The following IQGAP2 variants were observed in gnomAD, a reference collection of about 807,000 sequenced individuals.
The protein encoded by IQGAP2 is IQ motif containing GTPase activating protein 2.
Under a neutral mutation model 201.3 loss-of-function variants are expected in IQGAP2, and 173 were observed. That is an observed-to-expected ratio of 0.86 (90% confidence interval 0.76 to 0.98). The LOEUF is 0.98. Ranked by LOEUF, IQGAP2 falls within the 50% of genes least tolerant of loss-of-function variation. The pLI is 0.00. For synonymous variants in IQGAP2, 675 were observed against 673.9 expected (o/e 1.00, Z -0.03); for missense variants, 1,687 against 1,864.8 (o/e 0.90, Z 1.76).
chr5:76,618,377 C>T (rs757778588), intron 13 of IQGAP2: 39 of 1,613,986 alleles, frequency 2.4e-5, no homozygotes, highest in East Asian at 4.5e-5. Context: ...CAGCATTGGC[C>T]GGGACACCAA....
chr5:76,459,473 A>T (rs1754303539), intron 1 of IQGAP2, among the ~76,000 whole-genome samples: 1 of 152,172 alleles, frequency 6.6e-6, no homozygotes, highest in African/African-American at 2.4e-5. Context: ...TTACTATAAA[A>T]TGAAAATATC....
At chr5:76,678,811 C>T (rs1472635597) in intron 28 of IQGAP2, among the ~76,000 whole-genome samples, 1 of 152,172 alleles carries the variant, frequency 6.6e-6, no homozygotes, top group African/African-American at 2.4e-5. Context: ...AAATTTCAGT[C>T]TATTATTAAG....
chr5:76,542,510 G>C (rs970942785), intron 2 of IQGAP2, among the ~76,000 whole-genome samples: 1 of 152,216 alleles, frequency 6.6e-6, no homozygotes, highest in Admixed American at 6.5e-5. Context: ...TGAGGCTAAA[G>C]TTAGTTTGGA....
At chr5:76,490,561 A>G (rs1756475083) in intron 2 of IQGAP2, among the ~76,000 whole-genome samples, 1 of 152,208 alleles carries the variant, frequency 6.6e-6, no homozygotes, top group Non-Finnish European at 1.5e-5. Flanking sequence ...GAGAGAATGA[A>G]AGATTCAACA....
At chr5:76,591,220 C>A (rs554756614) in intron 8 of IQGAP2, among the ~76,000 whole-genome samples, 1 of 152,212 alleles carries the variant, frequency 6.6e-6, no homozygotes, top group Admixed American at 6.5e-5. Flanking sequence ...CCTTGTTAGA[C>A]ATCAACAGAC....
chr5:76,677,465 C>T, intron 28 of IQGAP2, 115 bp downstream of exon 28: 1 of 855,290 alleles, frequency 1.2e-6, no homozygotes, highest in Non-Finnish European at 1.7e-6. Flanking sequence ...TACTCATATT[C>T]TTAACCCTAA....
intron 3 of IQGAP2, among the ~76,000 whole-genome samples, chr5:76,568,576 G>A (rs1197775047): frequency 6.6e-6 from 1 of 152,138 alleles, no homozygotes; most frequent in Non-Finnish European, 1.5e-5. Flanking sequence ...ACCAGTTTTG[G>A]ACACCAGAAG....
At chr5:76,452,231 C>CTT (rs550343644) in intron 1 of IQGAP2, among the ~76,000 whole-genome samples, 12 of 136,236 alleles carry the variant, frequency 8.8e-5, no homozygotes, top group African/African-American at 2.9e-4. Context: ...TTTTTCTTTT[C>CTT]TTTTTTTTTT....
intron 1 of IQGAP2, among the ~76,000 whole-genome samples, chr5:76,408,736 T>C (rs1032908107): frequency 1.3e-5 from 2 of 152,182 alleles, no homozygotes; most frequent in Non-Finnish European, 2.9e-5. Context: ...CTCTCCAGCC[T>C]GGGCAACATA....
intron 5 of IQGAP2, among the ~76,000 whole-genome samples, chr5:76,582,802 A>ACTG (rs1462470728): frequency 6.6e-6 from 1 of 152,110 alleles, no homozygotes; most frequent in Non-Finnish European, 1.5e-5. Context: ...TACTACTACT[A>ACTG]CTATATACTA....
At chr5:76,404,382 AG>A in intron 1 of IQGAP2, 4 of 791,958 alleles carry the variant, frequency 5.1e-6, no homozygotes, top group Non-Finnish European at 6.1e-6. Context: ...CTTCATGTGC[AG>A]AGTTCAGAGT....
Position 76,683,882 on chromosome 5 carries a change from C to T in IQGAP2, c.3870C>T (p.Asp1290=), listed in dbSNP as rs757485535. The change falls in exon 30 of 36, where the codon GAC becomes GAT. Residue 1290 remains aspartate (D), a synonymous_variant. Coordinates refer to ENST00000274364, the MANE Select transcript of IQGAP2 (RefSeq NM_006633.5). ...LVLTSKYDIE[D]GEAIDSRSLM... Reference sequence around the variant, plus strand: ...TGACAAGCAAATATGACATAGAGGACGGTGAAGCTATAGATAGCCGAAGCC... The same window carrying T: ...TGACAAGCAAATATGACATAGAGGATGGTGAAGCTATAGATAGCCGAAGCC... 23 of 1,612,428 alleles carry T rather than the reference C, an allele frequency of 1.4e-5. No individual in the cohort carries two copies. The highest frequency in any genetic ancestry group is 4.5e-5 in the East Asian group (2 of 44,800).
intron 5 of IQGAP2, among the ~76,000 whole-genome samples, 173 bp downstream of exon 5, chr5:76,575,942 T>C (rs949514775): frequency 2.0e-5 from 3 of 152,328 alleles, no homozygotes; most frequent in Non-Finnish European, 4.4e-5. Context: ...ATATAAGCAA[T>C]TCTTGAACTT....
intron 22 of IQGAP2, 67 bp downstream of exon 22, chr5:76,665,242 G>A: frequency 3.6e-6 from 5 of 1,399,376 alleles, no homozygotes; most frequent in Non-Finnish European, 5.0e-6. Flanking sequence ...GTGGCTTACA[G>A]GGAGTATTTT....
At chr5:76,594,047 A>G (rs1283486100) in intron 9 of IQGAP2, among the ~76,000 whole-genome samples, 2 of 152,196 alleles carry the variant, frequency 1.3e-5, no homozygotes, top group African/African-American at 4.8e-5. Flanking sequence ...GAAAACTCTC[A>G]ATTGCCTTTA....
intron 2 of IQGAP2, among the ~76,000 whole-genome samples, chr5:76,500,218 T>C (rs1319254803): frequency 2.6e-5 from 4 of 152,206 alleles, no homozygotes; most frequent in African/African-American, 7.2e-5. Flanking sequence ...CCTGAAAGAA[T>C]AGACATTTCC....
At chr5:76,449,014 C>T (rs1753574825) in intron 1 of IQGAP2, among the ~76,000 whole-genome samples, 1 of 152,262 alleles carries the variant, frequency 6.6e-6, no homozygotes, top group Non-Finnish European at 1.5e-5. Flanking sequence ...CCGTACTCCT[C>T]TCATCTACCC....
At chr5:76,458,276 A>G (rs140305717) in intron 1 of IQGAP2, among the ~76,000 whole-genome samples, 1 of 152,336 alleles carries the variant, frequency 6.6e-6, no homozygotes, top group Non-Finnish European at 1.5e-5. Flanking sequence ...CCACAGAACC[A>G]CACAGTAACA....
chr5:76,487,940 T>C (rs1282130139), intron 2 of IQGAP2, among the ~76,000 whole-genome samples: 1 of 152,234 alleles, frequency 6.6e-6, no homozygotes, highest in Non-Finnish European at 1.5e-5. Flanking sequence ...GAATAAGCTT[T>C]ATCAGGCCCT....
Sources: allele counts gnomAD v4.1 joint callset (sites outside exome capture counted in the v4.1 genomes callset), GRCh38; gene constraint gnomAD v4.1.1; transcripts MANE v1.5; gene names NCBI Gene and HGNC (gene_info 2026-07-23, HGNC 2026-07-21).